Variants in KLHL20 observed in about 807,000 individuals in gnomAD.
The protein encoded by KLHL20 is kelch like family member 20.
Under a neutral mutation model 69.5 loss-of-function variants are expected in KLHL20, and 29 were observed. The observed-to-expected ratio is 0.42, with a 90% CI of 0.31 to 0.57. The LOEUF is 0.57. Among genes scored for constraint, KLHL20 ranks in the 20% least tolerant of loss-of-function variants. KLHL20 has a pLI of 0.18. For missense variants in KLHL20, 419 were observed against 776.0 expected (o/e 0.54, Z 5.47); for synonymous variants, 253 against 265.2 (o/e 0.95, Z 0.45).
intron 9 of KLHL20, 49 bp downstream of exon 9, chr1:173,774,487 C>T (rs775894428): frequency 5.6e-6 from 9 of 1,601,356 alleles, no homozygotes; most frequent in African/African-American, 1.3e-5. Context: ...AGAACATTTT[C>T]CTGGAGAGTC....
rs182619558 is a variant in KLHL20 at position 173,770,420 on chromosome 1, G to A, written c.1296-3885G>A. ...TTAAGGTCAAAAAGAAATGAAGGCC[G>A]GGCACAGTGGCTCACGCCTGTAATC... is the stretch of plus-strand genomic sequence containing the variant. On this transcript the variant is annotated intron_variant, in intron 8 of 11. Coordinates refer to ENST00000209884, the MANE Select transcript of KLHL20 (RefSeq NM_014458.4). 1.8e-4 allele frequency among the ~76,000 whole-genome samples: 28 copies of A among 152,170 alleles called. No individual in the cohort carries two copies. In the East Asian group the frequency reaches 5.0e-3, roughly 27 times the overall value.
At chr1:173,756,090 A>G in intron 6 of KLHL20, 52 bp downstream of exon 6, 2 of 1,292,148 alleles carry the variant, frequency 1.5e-6, no homozygotes, top group Non-Finnish European at 2.2e-6. Flanking sequence ...CAGGTGAGAA[A>G]CTGTCATTTG....
Position 173,766,169 on chromosome 1 carries a change from G to GTGCT in KLHL20, c.1175_1176insTGCT (p.Trp392CysfsTer5). The GTGCT allele has an allele frequency of 6.2e-7, 1 of 1,609,176 alleles. No homozygotes were observed. Among genetic ancestry groups the GTGCT allele is most frequent in the Non-Finnish European group, 8.5e-7 (1 of 1,178,098 alleles). On this transcript the variant is annotated frameshift_variant, in exon 8 of 12. Transcript: ENST00000209884. LOFTEE classifies it high-confidence loss of function. ...AGGTATGACCCCAAAACAAACCAGT[G>GTGCT]GAGCAGTGATGTGGCCCCTACAAGC...
chr1:173,748,833 G>T (rs1571891985), intron 3 of KLHL20, among the ~76,000 whole-genome samples: 2 of 152,138 alleles, frequency 1.3e-5, no homozygotes, highest in South Asian at 4.1e-4. Context: ...TTGTGGTCAT[G>T]TTTACATGAG....
In KLHL20 at chr1:173,734,087, T is replaced by G. The variant is rs772943441; in HGVS notation, c.398T>G (p.Val133Gly). 1 of 1,614,174 alleles carries G rather than the reference T, an allele frequency of 6.2e-7. No individual in the cohort carries two copies. The highest frequency in any genetic ancestry group is 8.5e-7 in the Non-Finnish European group (1 of 1,180,034). Reference protein sequence around the residue: ...IDFAYTSQITVEEGNVQTLLP... With the variant: ...IDFAYTSQITGEEGNVQTLLP... ...TTTGCGTATACCTCCCAGATAACAG[T>G]AGAAGAGGGCAATGTTCAGACTCTT... is the stretch of plus-strand genomic sequence containing the variant. Residue 133 changes from valine (V) to glycine (G), a missense_variant, in exon 3 of 12, where the codon GTA (valine) becomes GGA (glycine). Val to Gly is a moderately radical substitution (Grantham distance 109). This residue lies in a region of KLHL20 where 129 missense variants were observed against 183.6 expected (regional missense o/e 0.70). Coordinates refer to ENST00000209884, the MANE Select transcript of KLHL20 (RefSeq NM_014458.4).
intron 3 of KLHL20, among the ~76,000 whole-genome samples, chr1:173,750,658 C>A (rs1673267238): frequency 6.6e-6 from 1 of 152,114 alleles, no homozygotes; most frequent in Non-Finnish European, 1.5e-5. Context: ...AAGTGATCTG[C>A]CTGCCTCAGC....
At chr1:173,727,636 T>C (rs1299053029) in intron 2 of KLHL20, among the ~76,000 whole-genome samples, 3 of 152,182 alleles carry the variant, frequency 2.0e-5, no homozygotes, top group South Asian at 2.1e-4. Flanking sequence ...CAGAATTTCA[T>C]ATCCAGCCAA....
At chr1:173,760,217 A>C (rs966857868) in intron 7 of KLHL20, among the ~76,000 whole-genome samples, 1 of 152,224 alleles carries the variant, frequency 6.6e-6, no homozygotes, top group African/African-American at 2.4e-5. Flanking sequence ...AAAGTCTGGG[A>C]TTATGTTAAA....
chr1:173,754,612 A>C (rs1306964985), intron 5 of KLHL20, among the ~76,000 whole-genome samples: 2 of 151,942 alleles, frequency 1.3e-5, no homozygotes, highest in Non-Finnish European at 2.9e-5. Flanking sequence ...ACACACAGAC[A>C]AATGGCAATT....
chr1:173,741,442 A>G (rs1484027517), intron 3 of KLHL20, among the ~76,000 whole-genome samples: 1 of 152,258 alleles, frequency 6.6e-6, no homozygotes, highest in Non-Finnish European at 1.5e-5. Context: ...TGAAAATATT[A>G]CACAATGATA....
intron 2 of KLHL20, among the ~76,000 whole-genome samples, chr1:173,730,247 A>G (rs1170362367): frequency 1.3e-5 from 2 of 152,196 alleles, no homozygotes; most frequent in South Asian, 2.1e-4. Flanking sequence ...AGAACATTCC[A>G]TGCTCATGGG....
At chr1:173,722,878 T>C (rs1037781386) in intron 2 of KLHL20, among the ~76,000 whole-genome samples, 2 of 152,006 alleles carry the variant, frequency 1.3e-5, no homozygotes, top group Admixed American at 6.6e-5. Flanking sequence ...TTAGTAGAGA[T>C]GGAGCCTCAC....
intron 8 of KLHL20, among the ~76,000 whole-genome samples, chr1:173,770,370 A>G (rs1648005184): frequency 6.6e-6 from 1 of 152,262 alleles, no homozygotes; most frequent in Middle Eastern, 3.4e-3. Context: ...CATAAGACAA[A>G]TAGAAGGCGA....
intron 7 of KLHL20, among the ~76,000 whole-genome samples, chr1:173,765,577 A>G (rs1647649114): frequency 6.6e-6 from 1 of 152,242 alleles, no homozygotes; most frequent in Non-Finnish European, 1.5e-5. Context: ...AGAGAAATAT[A>G]TAAGGATGAA....
chr1:173,782,092 C>T (rs1648917680), intron 10 of KLHL20, 32 bp from the exon 11 acceptor site: 2 of 1,470,388 alleles, frequency 1.4e-6, no homozygotes, highest in African/African-American at 1.4e-5. Context: ...TGTCTAGTTT[C>T]TTCAGCAGCT....
At position 173,734,048 on chromosome 1, in the gene KLHL20, A is replaced by C. The variant is rs868129456; in HGVS notation, c.359A>C (p.Glu120Ala). ...VIRDIDERAM[E>A]LLIDFAYTSQ... ...CGAGACATTGACGAGAGGGCTATGG[A>C]ATTACTGATTGACTTTGCGTATACC... Residue 120 changes from glutamate (E) to alanine (A), a missense_variant, in exon 3 of 12, where the codon GAA (glutamate) becomes GCA (alanine). Glu to Ala is a moderately radical substitution (Grantham distance 107). Transcript: ENST00000209884. The C allele has an allele frequency of 6.2e-7, 1 of 1,614,184 alleles. No homozygotes were observed. The highest frequency in any genetic ancestry group is 2.2e-5 in the East Asian group (1 of 44,886).
At chr1:173,776,620 A>G (rs1210541933) in intron 10 of KLHL20, among the ~76,000 whole-genome samples, 1 of 152,140 alleles carries the variant, frequency 6.6e-6, no homozygotes, top group African/African-American at 2.4e-5. Flanking sequence ...AATGGGGTCT[A>G]GTTTCATTCT....
chr1:173,734,142 A>G lies in KLHL20; in HGVS notation c.453A>G (p.Ala151=). The G allele has an allele frequency of 1.2e-6, 2 of 1,614,248 alleles. No individual in the cohort carries two copies. Among genetic ancestry groups the G allele is most frequent in the Non-Finnish European group, 1.7e-6 (2 of 1,180,040 alleles). The stretch of plus-strand genomic sequence containing the variant: ...CAGCTGCTTGCCTCCTCCAGCTGGC[A>G]GAAATACAGGAAGCCTGCTGTGAAT... The part of the protein sequence containing the change: ...LLPAACLLQL[A]EIQEACCEFL... The change falls in exon 3 of 12, where the codon GCA becomes GCG. Residue 151 remains alanine (A), a synonymous_variant. Coordinates refer to ENST00000209884, the MANE Select transcript of KLHL20 (RefSeq NM_014458.4).
chr1:173,778,398 G>A (rs779021575), intron 10 of KLHL20, among the ~76,000 whole-genome samples: 20 of 152,082 alleles, frequency 1.3e-4, no homozygotes, highest in Non-Finnish European at 2.1e-4. Flanking sequence ...ATACAATGTC[G>A]GCTCATTGCA....
Sources: gnomAD v4.1 joint callset for allele counts (sites outside exome capture counted in the v4.1 genomes callset) on GRCh38, gnomAD v4.1.1 for gene constraint, gnomAD v4.1.1 regional missense constraint, MANE v1.5 for transcripts, NCBI Gene and HGNC (gene_info 2026-07-23, HGNC 2026-07-21) for gene names.